Variants in ERBB4 observed in about 807,000 individuals in gnomAD.
The protein encoded by ERBB4 is erb-b2 receptor tyrosine kinase 4.
A neutral mutation model predicts 158.0 loss-of-function variants in ERBB4; 42 were observed. That is an observed-to-expected ratio of 0.27 (90% CI 0.21 to 0.34). The LOEUF (loss-of-function observed/expected upper bound fraction) is 0.34, where lower values mean the gene tolerates loss of function less well. Among genes scored for constraint, ERBB4 ranks in the 10% least tolerant of loss-of-function variants. The pLI, the probability that ERBB4 is intolerant of heterozygous loss-of-function variation, is 1.00. For missense variants in ERBB4, 1,333 were observed against 1,624.1 expected, an observed-to-expected ratio of 0.82 and a Z score of 3.08; for synonymous variants, 583 against 558.7, an observed-to-expected ratio of 1.04 and a Z score of -0.61.
chr2:211,717,002 T>C (rs529556954), intron 7 of ERBB4, among the ~76,000 whole-genome samples: 1 of 152,340 alleles, frequency 6.6e-6, no homozygotes, highest in South Asian at 2.1e-4. Flanking sequence ...GGTGAATCAC[T>C]ATAAGGGCTA....
At chr2:212,406,282 C>A (rs1210409259) in intron 1 of ERBB4, among the ~76,000 whole-genome samples, 1 of 152,072 alleles carries the variant, frequency 6.6e-6, no homozygotes, top group Non-Finnish European at 1.5e-5. Flanking sequence ...AGCAGTGATA[C>A]CTTATGTCCT....
chr2:212,134,579 A>T (rs2080209640), intron 1 of ERBB4, among the ~76,000 whole-genome samples: 2 of 151,946 alleles, frequency 1.3e-5, no homozygotes, highest in Admixed American at 1.3e-4. Flanking sequence ...TTTAAAAAAA[A>T]TCCTATTATG....
intron 2 of ERBB4, among the ~76,000 whole-genome samples, chr2:211,949,437 G>A (rs559674308): frequency 6.6e-6 from 1 of 152,112 alleles, no homozygotes; most frequent in Non-Finnish European, 1.5e-5. Context: ...TAGATGTGCT[G>A]TAAGTACAAA....
In ERBB4 at chr2:211,490,781, T is replaced by C. The variant is rs1273104822; in HGVS notation, c.2488-59681A>G. Among the ~76,000 whole-genome samples the C allele has an allele frequency of 2.0e-5, 3 of 152,044 alleles. No homozygotes were observed. The East Asian group carries it at 5.8e-4, about 29-fold the overall frequency. On this transcript the variant is annotated intron_variant, in intron 20 of 27. Transcript: ENST00000342788. ...GCCCTCTTACAGCTTTGCATCCTAA[T>C]TGGCAGTACAGTTCTATTAAATAGA...
At chr2:211,443,330 AT>A (rs1376437660) in intron 20 of ERBB4, among the ~76,000 whole-genome samples, 1 of 151,988 alleles carries the variant, frequency 6.6e-6, no homozygotes, top group Non-Finnish European at 1.5e-5. Flanking sequence ...AGTATTAAAC[AT>A]CTGTTAATTT....
chr2:211,999,181 T>A (rs2076045338), intron 2 of ERBB4, among the ~76,000 whole-genome samples: 1 of 151,850 alleles, frequency 6.6e-6, no homozygotes, highest in Admixed American at 6.6e-5. Flanking sequence ...CCCAAATTAG[T>A]CTTCCCAAAT....
intron 20 of ERBB4, among the ~76,000 whole-genome samples, chr2:211,447,933 G>C (rs1429613693): frequency 6.6e-6 from 1 of 152,104 alleles, no homozygotes; most frequent in Non-Finnish European, 1.5e-5. Context: ...GGTTTGGTGA[G>C]TAAGGAAGAA....
intron 20 of ERBB4, among the ~76,000 whole-genome samples, chr2:211,433,266 G>A (rs2063781373): frequency 6.6e-6 from 1 of 152,180 alleles, no homozygotes; most frequent in Non-Finnish European, 1.5e-5. Context: ...TATACAATTA[G>A]GTGATGTGGA....
chr2:212,058,513 C>A (rs952932270), intron 2 of ERBB4, among the ~76,000 whole-genome samples: 1 of 152,120 alleles, frequency 6.6e-6, no homozygotes, highest in East Asian at 1.9e-4. Flanking sequence ...ACCAATATCC[C>A]TGATGAACAT....
intron 1 of ERBB4, among the ~76,000 whole-genome samples, chr2:212,254,467 G>C (rs896077691): frequency 3.9e-5 from 6 of 152,132 alleles, no homozygotes; most frequent in Non-Finnish European, 7.4e-5. Context: ...ATGCTGTGCT[G>C]TTTTCCCCAC....
intron 17 of ERBB4, among the ~76,000 whole-genome samples, chr2:211,628,816 T>C (rs1316547102): frequency 6.6e-6 from 1 of 152,296 alleles, no homozygotes; most frequent in Admixed American, 6.5e-5. Flanking sequence ...TTTCTCCACA[T>C]CCTCTCCAGC....
intron 1 of ERBB4, among the ~76,000 whole-genome samples, chr2:212,416,078 G>T (rs546547075): frequency 1.2e-4 from 19 of 152,086 alleles, no homozygotes; most frequent in Non-Finnish European, 2.6e-4. Flanking sequence ...CCATGAATGG[G>T]ACCATCAACA....
At position 211,665,434 on chromosome 2, in the gene ERBB4, G is replaced by C. The variant is rs769719990; in HGVS notation, c.1760C>G (p.Pro587Arg). The change falls in exon 15 of 28, where the codon CCA becomes CGA. Residue 587 changes from proline to arginine, a missense_variant. By Grantham distance (103) the Pro-to-Arg change is moderately radical. Coordinates refer to ENST00000342788, the MANE Select transcript of ERBB4 (RefSeq NM_005235.3). ...ATCTGGACATTTTTCCACACAGTTT[G>C]GGCCATCTTTAAAATGAGAGCACTT... is the stretch of plus-strand genomic sequence containing the variant. ...CTKCSHFKDG[P>R]NCVEKCPDGL... The C allele has an allele frequency of 6.2e-7, 1 of 1,613,954 alleles. No homozygotes were observed.
At chr2:211,842,849 A>G (rs1306886176) in intron 3 of ERBB4, among the ~76,000 whole-genome samples, 2 of 152,146 alleles carry the variant, frequency 1.3e-5, no homozygotes, top group African/African-American at 4.8e-5. Flanking sequence ...TGACTATAAC[A>G]GTGCTTGGCC....
intron 1 of ERBB4, among the ~76,000 whole-genome samples, chr2:212,494,406 A>T (rs1220474932): frequency 6.6e-6 from 1 of 152,030 alleles, no homozygotes; most frequent in Admixed American, 6.6e-5. Context: ...AATAAAATTG[A>T]CCTGGGATTA....
chr2:211,847,631 G>T (rs11903468), intron 3 of ERBB4, among the ~76,000 whole-genome samples: 2,211 of 91,184 alleles, frequency 0.024, 59 homozygotes, highest in African/African-American at 0.079. Flanking sequence ...AAAACATTAT[G>T]ATTTTTTTTT....
intron 3 of ERBB4, among the ~76,000 whole-genome samples, chr2:211,824,784 A>AT (rs2077061263): frequency 6.6e-6 from 1 of 151,932 alleles, no homozygotes; most frequent in East Asian, 1.9e-4. Context: ...ATTTTACGTT[A>AT]TTTTTCCTAC....
chr2:211,763,054 G>GGTGT (rs10639302), intron 4 of ERBB4, among the ~76,000 whole-genome samples: 3 of 151,298 alleles, frequency 2.0e-5, no homozygotes, highest in East Asian at 2.0e-4. Context: ...GTGTGTGTGT[G>GGTGT]GTGTGTGTGT....
At chr2:211,693,255 G>C (rs2072888296) in intron 12 of ERBB4, among the ~76,000 whole-genome samples, 1 of 152,050 alleles carries the variant, frequency 6.6e-6, no homozygotes, top group African/African-American at 2.4e-5. Context: ...GAATCCAAAA[G>C]TATTTTGTTG....
Sources: allele counts gnomAD v4.1 joint callset (sites outside exome capture counted in the v4.1 genomes callset), GRCh38; gene constraint gnomAD v4.1.1; transcripts MANE v1.5; gene names NCBI Gene and HGNC (gene_info 2026-07-23, HGNC 2026-07-21).